RTN4IP1: variants seen among roughly 807,000 people sequenced by gnomAD.
RTN4IP1 encodes the protein reticulon 4 interacting protein 1.
A neutral mutation model predicts 46.6 loss-of-function variants in RTN4IP1; 32 were observed. The ratio of observed to expected loss-of-function variants is 0.69; its 90% confidence interval spans 0.52 to 0.92. The LOEUF (loss-of-function observed/expected upper bound fraction) is 0.92, where lower values mean the gene tolerates loss of function less well. Among genes scored for constraint, RTN4IP1 ranks in the 40% least tolerant of loss-of-function variants. The probability of loss-of-function intolerance (pLI) is 0.00; values close to 1 mark genes in which losing one functional copy is unlikely to be tolerated. For missense variants in RTN4IP1, 424 were observed against 485.8 expected, an observed-to-expected ratio of 0.87 and a Z score of 1.20; for synonymous variants, 167 against 161.8, an observed-to-expected ratio of 1.03 and a Z score of -0.24.
intron 5 of RTN4IP1, among the ~76,000 whole-genome samples, chr6:106,600,180 TCTATAACACCCAAA>T (rs1319208051): frequency 6.6e-6 from 1 of 151,984 alleles, no homozygotes; most frequent in Non-Finnish European, 1.5e-5. Flanking sequence ...TCTGGGGTGG[TCTATAACACCCAAA>T]CCTCCCTCCT....
chr6:106,611,025 C>T (rs997910565), intron 4 of RTN4IP1, among the ~76,000 whole-genome samples: 7 of 151,448 alleles, frequency 4.6e-5, no homozygotes, highest in African/African-American at 1.7e-4. Flanking sequence ...TGAGGTAGGG[C>T]GCCAACCCCC....
rs898609015 is a variant in RTN4IP1, at chr6:106,571,825, T to C, written c.*171A>G. ...GACTACAGACAAATCCAAGTGCTGA[T>C]ATTTTTATATCAATTACTGGCCAAA... On this transcript the variant is annotated 3_prime_UTR_variant, in exon 9 of 9. Transcript: ENST00000369063. 1 of 557,996 alleles carries C rather than the reference T, an allele frequency of 1.8e-6. No individual in the cohort carries two copies. The highest frequency in any genetic ancestry group is 2.9e-5 in the East Asian group (1 of 34,068). 34.6% of individuals were successfully genotyped at this position (557,996 alleles called of 1,614,324 possible). A position where few individuals can be genotyped will look rare whatever the true frequency, so the allele number is the denominator to read the frequency against.
intron 1 of RTN4IP1, among the ~76,000 whole-genome samples, chr6:106,627,096 TCA>T (rs1316052262): frequency 6.6e-6 from 1 of 151,268 alleles, no homozygotes; most frequent in Non-Finnish European, 1.5e-5. Flanking sequence ...AGCTACTGTT[TCA>T]GATATCTTCT....
intron 4 of RTN4IP1, among the ~76,000 whole-genome samples, chr6:106,606,951 T>G (rs1167854272): frequency 6.6e-6 from 1 of 151,904 alleles, no homozygotes; most frequent in Non-Finnish European, 1.5e-5. Flanking sequence ...CAAAACAATA[T>G]GCACAAAAAT....
At chr6:106,622,074 T>A (rs537854986) in intron 2 of RTN4IP1, among the ~76,000 whole-genome samples, 1 of 152,190 alleles carries the variant, frequency 6.6e-6, no homozygotes, top group Non-Finnish European at 1.5e-5. Flanking sequence ...TATTTTAAAG[T>A]CTTGCATTTC....
chr6:106,624,601 G>A (rs968256337), intron 1 of RTN4IP1, among the ~76,000 whole-genome samples: 5 of 151,392 alleles, frequency 3.3e-5, no homozygotes, highest in African/African-American at 1.2e-4. Context: ...CTCCCAAAGT[G>A]CTGGGATTAC....
chr6:106,611,868 T>C (rs1018561205), intron 4 of RTN4IP1, among the ~76,000 whole-genome samples: 2 of 152,232 alleles, frequency 1.3e-5, no homozygotes, highest in African/African-American at 4.8e-5. Context: ...AAGCTATTTA[T>C]ATATCTTGGT....
At chr6:106,576,706 C>G (rs142173306) in intron 8 of RTN4IP1, among the ~76,000 whole-genome samples, 3 of 152,168 alleles carry the variant, frequency 2.0e-5, no homozygotes, top group African/African-American at 7.2e-5. Flanking sequence ...TGACTATTTA[C>G]GTTAATCAAA....
intron 5 of RTN4IP1, among the ~76,000 whole-genome samples, chr6:106,601,596 C>T (rs1775950713): frequency 6.6e-6 from 1 of 151,846 alleles, no homozygotes; most frequent in South Asian, 2.1e-4. Context: ...ATCTTTGATC[C>T]ATTTTGAGTT....
chr6:106,572,269 C>T lies in RTN4IP1; in HGVS notation c.1084-166G>A. ...CTCACAAGGGCCATGATGCTGCCTCCACTCCTGCCTCACTGCTGCTTCTCT... is the reference window on the plus strand; with the variant it reads ...CTCACAAGGGCCATGATGCTGCCTCTACTCCTGCCTCACTGCTGCTTCTCT... On this transcript the variant is annotated intron_variant, in intron 8 of 8. Transcript: ENST00000369063. The T allele has an allele frequency of 4.9e-6, 3 of 608,946 alleles. No homozygotes were observed. The Admixed American group carries it at 8.7e-5, about 18-fold the overall frequency. The allele number at this position is 608,946 out of a possible 1,614,324, so 37.7% of individuals were successfully genotyped here.
Position 106,591,580 on chromosome 6 carries a change from G to C in RTN4IP1, c.806+584C>G, listed in dbSNP as rs114742466. Among the ~76,000 whole-genome samples, 293 of 152,176 alleles carry C rather than the reference G, an allele frequency of 1.9e-3. 2 individuals carry two copies. The highest frequency in any genetic ancestry group is 6.6e-3 in the African/African-American group (275 of 41,510). On this transcript the variant is annotated intron_variant, in intron 6 of 8. Coordinates refer to ENST00000369063, the MANE Select transcript of RTN4IP1 (RefSeq NM_032730.5). ...TCATTTCTGCTCTCAGCTTCAGCTT[G>C]GTCTTGGCTGGATAAAGGTCAGATG...
intron 4 of RTN4IP1, among the ~76,000 whole-genome samples, chr6:106,604,648 T>C (rs918356296): frequency 6.6e-6 from 1 of 152,114 alleles, no homozygotes; most frequent in African/African-American, 2.4e-5. Flanking sequence ...GAAAGAAGAC[T>C]AGAGTAGGTG....
intron 5 of RTN4IP1, 113 bp from the exon 6 acceptor site, chr6:106,592,413 G>A: frequency 2.7e-6 from 3 of 1,123,004 alleles, no homozygotes; most frequent in East Asian, 2.6e-5. Context: ...CTAATCTCTA[G>A]AGAACTTTAA....
intron 3 of RTN4IP1, among the ~76,000 whole-genome samples, chr6:106,619,888 G>T (rs1776444511): frequency 6.6e-6 from 1 of 151,842 alleles, no homozygotes; most frequent in African/African-American, 2.4e-5. Context: ...TGGGATTACA[G>T]GCGTAAGCCA....
chr6:106,628,673 G>T, intron 1 of RTN4IP1, 75 bp downstream of exon 1: 2 of 1,330,338 alleles, frequency 1.5e-6, no homozygotes, highest in Non-Finnish European at 2.1e-6. Context: ...AAGAAGCGTA[G>T]TCAATTTTTT....
chr6:106,621,428 A>C lies in RTN4IP1; in HGVS notation c.492T>G (p.Asn164Lys). 1 of 1,612,366 alleles carries C rather than the reference A, an allele frequency of 6.2e-7. No homozygotes were observed. The highest frequency in any genetic ancestry group is 8.5e-7 in the Non-Finnish European group (1 of 1,178,430). The change falls in exon 3 of 9, where the codon AAT becomes AAG. Residue 164 changes from asparagine to lysine, a missense_variant. Asn to Lys is a moderately conservative substitution (Grantham distance 94, BLOSUM62 0). Transcript: ENST00000369063. ...TTCAGCAGAGTTGGTAAGTTACCTC[A>C]TTCCCACTGACTACAACAAACTCTG... ...TLSEFVVVSG[N>K]EVSHKPKSLT... is the part of the protein sequence containing the mutation.
At chr6:106,621,356 A>G in intron 3 of RTN4IP1, 69 bp downstream of exon 3, 1 of 1,148,378 alleles carries the variant, frequency 8.7e-7, no homozygotes, top group Non-Finnish European at 1.3e-6. Context: ...GAAAAACACC[A>G]GTTATTTCAG....
At chr6:106,586,352 T>C (rs552356178) in intron 7 of RTN4IP1, among the ~76,000 whole-genome samples, 144 of 152,264 alleles carry the variant, frequency 9.5e-4, no homozygotes, top group African/African-American at 3.4e-3. Flanking sequence ...GAGTCTCAAG[T>C]ATTTTGCTTA....
At chr6:106,575,452 C>T (rs1043293390) in intron 8 of RTN4IP1, among the ~76,000 whole-genome samples, 1 of 152,234 alleles carries the variant, frequency 6.6e-6, no homozygotes, top group Non-Finnish European at 1.5e-5. Context: ...GAACCTTAAC[C>T]TCTCTGGATG....
Sources: gnomAD v4.1 joint callset for allele counts (sites outside exome capture counted in the v4.1 genomes callset) on GRCh38, gnomAD v4.1.1 for gene constraint, MANE v1.5 for transcripts, NCBI Gene and HGNC (gene_info 2026-07-23, HGNC 2026-07-21) for gene names.